The following SDCBP variants were observed in gnomAD, a reference collection of about 807,000 sequenced individuals.
SDCBP encodes the protein syntenin-1.
Under a neutral mutation model 30.5 loss-of-function variants are expected in SDCBP, and 22 were observed. The observed-to-expected ratio is 0.72, with a 90% CI of 0.52 to 1.03. The LOEUF is 1.03. Among genes scored for constraint, SDCBP ranks in the 50% least tolerant of loss-of-function variants. SDCBP has a pLI of 0.00. For synonymous variants in SDCBP, 103 were observed against 118.7 expected (o/e 0.87, Z 0.86); for missense variants, 304 against 369.9 (o/e 0.82, Z 1.46).
intron 6 of SDCBP, 71 bp downstream of exon 6, chr8:58,578,279 T>C (rs1805462353): frequency 8.7e-7 from 1 of 1,144,066 alleles, no homozygotes. Flanking sequence ...TTTCAGAGTT[T>C]GTGAGTATAT....
chr8:58,556,883 TATA>T (rs1384272981), intron 1 of SDCBP, among the ~76,000 whole-genome samples: 2 of 143,288 alleles, frequency 1.4e-5, no homozygotes, highest in East Asian at 2.0e-4. Context: ...ACATATATAT[TATA>T]ATACGTATAA....
intron 6 of SDCBP, chr8:58,578,481 G>GTTA (rs1439029045): frequency 3.9e-6 from 1 of 253,258 alleles, no homozygotes; most frequent in East Asian, 9.1e-5. Context: ...GGCATCTCTG[G>GTTA]GCTCACTTTC....
chr8:58,574,729 A>T (rs980141281), intron 4 of SDCBP, among the ~76,000 whole-genome samples: 13 of 152,142 alleles, frequency 8.5e-5, no homozygotes, highest in African/African-American at 3.1e-4. Flanking sequence ...ACAAATATAA[A>T]TTGTATATAT....
At chr8:58,553,859 G>A (rs556902274) in intron 1 of SDCBP, among the ~76,000 whole-genome samples, 5 of 152,192 alleles carry the variant, frequency 3.3e-5, no homozygotes, top group Non-Finnish European at 7.4e-5. Flanking sequence ...TTGGAAGGGG[G>A]TGGGGAGAGG....
At chr8:58,579,916 A>ACCAAG in intron 7 of SDCBP, 122 bp downstream of exon 7, 6 of 886,864 alleles carry the variant, frequency 6.8e-6, no homozygotes, top group Non-Finnish European at 1.0e-5. Flanking sequence ...GTGGGGCCTG[A>ACCAAG]ACTCTTGGTC....
intron 2 of SDCBP, among the ~76,000 whole-genome samples, chr8:58,567,197 T>G (rs556220499): frequency 1.3e-5 from 2 of 152,248 alleles, no homozygotes; most frequent in South Asian, 4.1e-4. Context: ...TGGTTTACAG[T>G]ACTTAAAATT....
rs1480732204 is a variant in SDCBP at position 58,582,416 on chromosome 8, T to C, written c.*676T>C. The C allele has an allele frequency of 6.5e-6, 1 of 152,684 alleles. No homozygotes were observed. Among genetic ancestry groups the C allele is most frequent in the Non-Finnish European group, 1.5e-5 (1 of 68,096 alleles). 9.5% of individuals were successfully genotyped at this position (152,684 alleles called of 1,614,324 possible). A position where few individuals can be genotyped will look rare whatever the true frequency, so the allele number is the denominator to read the frequency against. ...AAAAACCCAAAATGTAGTTCTCTAT[T>C]AACCTGAAATGTACACTAGCCCAGA... On this transcript the variant is annotated 3_prime_UTR_variant, in exon 9 of 9. Transcript: ENST00000260130.
Position 58,578,105 on chromosome 8 carries a change from C to CTTCA in SDCBP, c.476_479dup (p.Gln160HisfsTer6), listed in dbSNP as rs778297639. The CTTCA allele has an allele frequency of 1.2e-6, 2 of 1,613,854 alleles. No homozygotes were observed. The highest frequency in any genetic ancestry group is 3.3e-5 in the Admixed American group (2 of 60,016). Reference sequence around the variant, plus strand: ...TGGTCTGAGATTTGGGGACCAAGTACTTCAGATCAATGGTGAAAACTGTGC... The same window carrying CTTCA: ...TGGTCTGAGATTTGGGGACCAAGTACTTCATTCAGATCAATGGTGAAAACTGTGC... On this transcript the variant is annotated frameshift_variant, in exon 6 of 9. Transcript: ENST00000260130. LOFTEE classifies it high-confidence loss of function.
At chr8:58,576,309 C>T in intron 5 of SDCBP, 1 of 362,822 alleles carries the variant, frequency 2.8e-6, no homozygotes, top group Non-Finnish European at 5.1e-6. Context: ...GAATACATTT[C>T]ACTGGCCTAC....
intron 1 of SDCBP, among the ~76,000 whole-genome samples, chr8:58,561,960 T>C (rs1414102175): frequency 6.6e-6 from 1 of 152,076 alleles, no homozygotes; most frequent in Non-Finnish European, 1.5e-5. Context: ...CAGTTGAAAT[T>C]ATCAGCTTAA....
rs1316118757 is a variant in SDCBP, at chr8:58,579,719, C to T, written c.675C>T (p.Ser225=). 1.9e-6 allele frequency: 3 copies of T among 1,612,748 alleles called. No individual in the cohort carries two copies. The highest frequency in any genetic ancestry group is 2.5e-6 in the Non-Finnish European group (3 of 1,179,446). Residue 225 remains serine, a synonymous_variant, in exon 7 of 9, where the codon AGC becomes AGT. Coordinates refer to ENST00000260130, the MANE Select transcript of SDCBP (RefSeq NM_005625.4). The part of the protein sequence containing the change: ...NGKITSIVKD[S]SAARNGLLTE... ...AAATAACATCCATAGTGAAAGATAG[C>T]TCTGCAGCCAGAAATGGTCTTCTCA...
intron 1 of SDCBP, among the ~76,000 whole-genome samples, chr8:58,556,992 A>G (rs1804157119): frequency 7.2e-6 from 1 of 138,672 alleles, no homozygotes; most frequent in Non-Finnish European, 1.5e-5. Context: ...TATATATTGT[A>G]TATCATACTA....
intron 1 of SDCBP, chr8:58,560,762 G>A (rs1259455981): frequency 6.6e-6 from 1 of 152,252 alleles, no homozygotes; most frequent in Non-Finnish European, 1.5e-5. Context: ...CGATCAGTGA[G>A]GATCTTTCTC....
chr8:58,578,690 AT>A (rs1394043729), intron 6 of SDCBP, among the ~76,000 whole-genome samples: 6 of 152,200 alleles, frequency 3.9e-5, no homozygotes. Flanking sequence ...GAACTTAAAC[AT>A]TTAGCACATG....
At chr8:58,575,872 A>G (rs1426659619) in intron 4 of SDCBP, 28 bp from the exon 5 acceptor site, 1 of 1,564,070 alleles carries the variant, frequency 6.4e-7, no homozygotes. Flanking sequence ...GTTTCTAGAT[A>G]TTGACACATT....
Position 58,578,111 on chromosome 8 carries a change from A to C in SDCBP, c.481A>C (p.Ile161Leu). The C allele has an allele frequency of 6.2e-7, 1 of 1,614,054 alleles. No homozygotes were observed. The highest frequency in any genetic ancestry group is 8.5e-7 in the Non-Finnish European group (1 of 1,179,944). ...GLRFGDQVLQ[I>L]NGENCAGWSS... The stretch of plus-strand genomic sequence containing the variant: ...GAGATTTGGGGACCAAGTACTTCAG[A>C]TCAATGGTGAAAACTGTGCAGGATG... The change falls in exon 6 of 9, where the codon ATC becomes CTC. Residue 161 changes from isoleucine (I) to leucine (L), a missense_variant. Ile to Leu is a conservative substitution (Grantham distance 5). Transcript: ENST00000260130.
chr8:58,579,846 T>C (rs770986800), intron 7 of SDCBP, 52 bp downstream of exon 7: 3 of 1,512,854 alleles, frequency 2.0e-6, no homozygotes, highest in Non-Finnish European at 2.7e-6. Context: ...AAAATGTCTG[T>C]CTTTTGACTG....
intron 1 of SDCBP, 46 bp from the exon 2 acceptor site, chr8:58,564,973 C>A: frequency 1.9e-6 from 2 of 1,078,774 alleles, no homozygotes; most frequent in South Asian, 2.8e-5. Flanking sequence ...TATACTATTT[C>A]AATTTCTATG....
chr8:58,566,773 A>G (rs1409703742), intron 2 of SDCBP, among the ~76,000 whole-genome samples: 1 of 152,182 alleles, frequency 6.6e-6, no homozygotes, highest in Non-Finnish European at 1.5e-5. Context: ...GGAAGGTAGT[A>G]TTCATTTTCT....
Sources: allele counts gnomAD v4.1 joint callset (sites outside exome capture counted in the v4.1 genomes callset), GRCh38; gene constraint gnomAD v4.1.1; transcripts MANE v1.5; gene names NCBI Gene and HGNC (gene_info 2026-07-23, HGNC 2026-07-21).